Variants in SEC24D observed in about 807,000 individuals in gnomAD.
SEC24D encodes the protein protein transport protein Sec24D.
Under a neutral mutation model 116.9 loss-of-function variants are expected in SEC24D, and 69 were observed. That is an observed-to-expected ratio of 0.59 (90% confidence interval 0.49 to 0.72). The LOEUF (loss-of-function observed/expected upper bound fraction) is 0.72. SEC24D is among the 30% of genes least tolerant of loss of function. SEC24D has a pLI of 0.00. For missense variants in SEC24D, 1,131 were observed against 1,264.1 expected, an observed-to-expected ratio of 0.89 and a Z score of 1.60; for synonymous variants, 405 against 442.8, an observed-to-expected ratio of 0.91 and a Z score of 1.07.
chr4:118,745,443 C>T (rs893214296), intron 13 of SEC24D, among the ~76,000 whole-genome samples: 1 of 152,258 alleles, frequency 6.6e-6, no homozygotes, highest in South Asian at 2.1e-4. Context: ...TGGTAGAATT[C>T]CCAGGATGGT....
chr4:118,736,997 T>C (rs755014123), intron 19 of SEC24D, among the ~76,000 whole-genome samples: 3 of 152,238 alleles, frequency 2.0e-5, no homozygotes, highest in Non-Finnish European at 4.4e-5. Flanking sequence ...GTTTCAAAGT[T>C]AACAAATGAA....
chr4:118,830,872 A>T (rs776221761), intron 2 of SEC24D, among the ~76,000 whole-genome samples: 10 of 152,328 alleles, frequency 6.6e-5, no homozygotes, highest in Admixed American at 3.3e-4. Context: ...TTACAAGATC[A>T]TTTTAGTAAT....
intron 8 of SEC24D, among the ~76,000 whole-genome samples, chr4:118,775,632 TCAGA>T (rs981124766): frequency 1.3e-5 from 2 of 152,038 alleles, no homozygotes; most frequent in African/African-American, 2.4e-5. Flanking sequence ...TCAGCAGGTT[TCAGA>T]CAGACAGACA....
At chr4:118,817,129 T>TAC in intron 4 of SEC24D, 135 bp downstream of exon 4, 2 of 696,376 alleles carry the variant, frequency 2.9e-6, no homozygotes, top group South Asian at 4.7e-5. Flanking sequence ...AGATGCTTTA[T>TAC]TATTAAAAAT....
At chr4:118,774,562 C>G (rs530485616) in intron 8 of SEC24D, among the ~76,000 whole-genome samples, 21 of 152,264 alleles carry the variant, frequency 1.4e-4, no homozygotes, top group Middle Eastern at 3.4e-3. Flanking sequence ...AGCTTGAATT[C>G]TGATTTATTC....
intron 7 of SEC24D, among the ~76,000 whole-genome samples, chr4:118,800,125 A>G (rs1286635407): frequency 1.3e-5 from 2 of 152,102 alleles, no homozygotes; most frequent in East Asian, 3.9e-4. Flanking sequence ...GGATGCGCTG[A>G]GACTGGGGGT....
intron 10 of SEC24D, among the ~76,000 whole-genome samples, chr4:118,762,369 C>T (rs1327182556): frequency 6.6e-6 from 1 of 152,142 alleles, no homozygotes; most frequent in Non-Finnish European, 1.5e-5. Context: ...CTGAAGCTGG[C>T]ACTTACGCGG....
At chr4:118,737,605 T>TA (rs1354444617) in intron 19 of SEC24D, among the ~76,000 whole-genome samples, 1 of 152,172 alleles carries the variant, frequency 6.6e-6, no homozygotes. Flanking sequence ...TACACAGCTA[T>TA]AAAAAATGCC....
chr4:118,744,679 C>A (rs1289967373), intron 14 of SEC24D, among the ~76,000 whole-genome samples: 1 of 152,224 alleles, frequency 6.6e-6, no homozygotes, highest in African/African-American at 2.4e-5. Flanking sequence ...CCTGCCTTGG[C>A]CTCCCAAAGT....
At chr4:118,832,282 G>A (rs1279638448) in intron 2 of SEC24D, among the ~76,000 whole-genome samples, 1 of 152,146 alleles carries the variant, frequency 6.6e-6, no homozygotes, top group South Asian at 2.1e-4. Flanking sequence ...AAGGAGAAAA[G>A]AGTTTTGTAA....
intron 11 of SEC24D, among the ~76,000 whole-genome samples, chr4:118,755,452 AAAAC>A (rs1727044703): frequency 6.6e-6 from 1 of 150,844 alleles, no homozygotes; most frequent in African/African-American, 2.5e-5. Flanking sequence ...AGCAGCATTA[AAAAC>A]AAACAGACAA....
chr4:118,731,252 A>C (rs749631179), intron 21 of SEC24D, 64 bp downstream of exon 21: 1 of 1,361,338 alleles, frequency 7.3e-7, no homozygotes. Flanking sequence ...ACTGCACATA[A>C]ATAAAAACAT....
chr4:118,743,803 G>C (rs1022642321), intron 15 of SEC24D, among the ~76,000 whole-genome samples, 185 bp downstream of exon 15: 1 of 152,218 alleles, frequency 6.6e-6, no homozygotes, highest in Admixed American at 6.5e-5. Flanking sequence ...ATCCGAGGTT[G>C]GTTGAAGCCA....
rs115614269 is a variant in SEC24D at position 118,750,596 on chromosome 4, G to A, written c.1707+1400C>T. On this transcript the variant is annotated intron_variant, in intron 13 of 22. Transcript: ENST00000280551. ...TTCTTAGAGTAGAAAGACTTGTAGG[G>A]TGATGTATGACTTATTGTGTACAGG... Among the ~76,000 whole-genome samples the A allele has an allele frequency of 3.5e-3, 529 of 152,260 alleles. 3 individuals are homozygous for A. Among genetic ancestry groups the A allele is most frequent in the African/African-American group, 0.012 (500 of 41,542 alleles).
In SEC24D at chr4:118,731,510, G is replaced by T. The variant is rs900400609; in HGVS notation, c.2677-3C>A. On this transcript the variant is annotated splice_polypyrimidine_tract_variant and splice_region_variant and intron_variant, in intron 20 of 22. Transcript: ENST00000280551. ...GTACTCTTGACATCTAACGTGTGCT[G>T]GGCAGGCACAGACAAAAGAGTTAGA... 1 of 1,613,312 alleles carries T rather than the reference G, an allele frequency of 6.2e-7. No individual in the cohort carries two copies. Among genetic ancestry groups the T allele is most frequent in the Admixed American group, 1.7e-5 (1 of 59,998 alleles).
intron 13 of SEC24D, among the ~76,000 whole-genome samples, chr4:118,750,401 T>C (rs1411548061): frequency 6.6e-6 from 1 of 152,216 alleles, no homozygotes; most frequent in East Asian, 1.9e-4. Flanking sequence ...TGCTCCCTTT[T>C]AGAAATGAAA....
chr4:118,791,260 C>T (rs1728881124), intron 8 of SEC24D, among the ~76,000 whole-genome samples: 1 of 152,034 alleles, frequency 6.6e-6, no homozygotes, highest in South Asian at 2.1e-4. Context: ...GGAGAGATTT[C>T]AGAGAGGTGT....
intron 6 of SEC24D, among the ~76,000 whole-genome samples, chr4:118,813,260 G>A (rs994493105): frequency 1.3e-5 from 2 of 152,166 alleles, no homozygotes; most frequent in African/African-American, 4.8e-5. Context: ...AAGACCTGGA[G>A]CCACCAGAAG....
chr4:118,749,589 G>A (rs935346433), intron 13 of SEC24D, among the ~76,000 whole-genome samples: 16 of 152,244 alleles, frequency 1.1e-4, no homozygotes, highest in African/African-American at 3.4e-4. Flanking sequence ...GGTCTTCCGG[G>A]CAGAATATCC....
Sources: gnomAD v4.1 joint callset for allele counts (sites outside exome capture counted in the v4.1 genomes callset) on GRCh38, gnomAD v4.1.1 for gene constraint, MANE v1.5 for transcripts, NCBI Gene and HGNC (gene_info 2026-07-23, HGNC 2026-07-21) for gene names.